The following SLC22A16 variants were observed in gnomAD, a reference collection of about 807,000 sequenced individuals.
The protein encoded by SLC22A16 is solute carrier family 22 member 16.
In SLC22A16, 53 loss-of-function variants were observed where a neutral mutation model predicts 52.9. That is an observed-to-expected ratio of 1.00 (90% CI 0.80 to 1.26). The LOEUF is 1.26. Ranked by LOEUF, SLC22A16 falls within the 50% of genes most tolerant of loss-of-function variation. SLC22A16 has a pLI of 0.00. For synonymous variants in SLC22A16, 291 were observed against 268.8 expected (o/e 1.08, Z -0.81); for missense variants, 726 against 704.0 (o/e 1.03, Z -0.35).
chr6:110,447,128 T>G (rs926923497), intron 2 of SLC22A16, 138 bp from the exon 3 acceptor site: 2 of 701,650 alleles, frequency 2.9e-6, no homozygotes, highest in Admixed American at 3.1e-5. Context: ...TTTTATTTAT[T>G]TTGAGCAAAC....
chr6:110,449,480 T>C (rs1441640417), intron 2 of SLC22A16, among the ~76,000 whole-genome samples: 1 of 152,152 alleles, frequency 6.6e-6, no homozygotes, highest in African/African-American at 2.4e-5. Context: ...TTGTAATTGG[T>C]ATTAACTTTG....
intron 1 of SLC22A16, among the ~76,000 whole-genome samples, chr6:110,468,185 G>T (rs1300061454): frequency 1.3e-5 from 2 of 152,208 alleles, no homozygotes; most frequent in East Asian, 3.8e-4. Flanking sequence ...AGTAAGTAGT[G>T]TTCTTCTAGC....
In SLC22A16 at chr6:110,446,854, A is replaced by G. The variant is rs774210517; in HGVS notation, c.651+19T>C. On this transcript the variant is annotated intron_variant, in intron 3 of 7. Transcript: ENST00000368919. ...TGAAAAACTGCAGCAGAATTAAAGA[A>G]GTAAAAAACACAACTCACCATGGCA... 1.9e-6 allele frequency: 3 copies of G among 1,588,952 alleles called. No individual in the cohort carries two copies. Among genetic ancestry groups the G allele is most frequent in the South Asian group, 2.3e-5 (2 of 87,322 alleles).
chr6:110,462,560 T>TA (rs1775922342), intron 1 of SLC22A16, among the ~76,000 whole-genome samples: 1 of 152,170 alleles, frequency 6.6e-6, no homozygotes, highest in Admixed American at 6.5e-5. Flanking sequence ...CTTTCTATTT[T>TA]AACAAGTCAA....
At chr6:110,443,337 A>G (rs1775048890) in intron 3 of SLC22A16, among the ~76,000 whole-genome samples, 1 of 152,234 alleles carries the variant, frequency 6.6e-6, no homozygotes, top group African/African-American at 2.4e-5. Flanking sequence ...AATATCTGAT[A>G]AGGGATTTTA....
chr6:110,428,124 T>C (rs1193272745), intron 7 of SLC22A16, among the ~76,000 whole-genome samples: 1 of 152,256 alleles, frequency 6.6e-6, no homozygotes, highest in East Asian at 1.9e-4. Context: ...TGATTTTTCA[T>C]GTGCCTCTTT....
chr6:110,447,345 C>T (rs962927292), intron 2 of SLC22A16, among the ~76,000 whole-genome samples: 9 of 152,194 alleles, frequency 5.9e-5, no homozygotes, highest in Non-Finnish European at 1.2e-4. Context: ...TGGCTCTGTC[C>T]ACTAAGGCTA....
chr6:110,427,586 G>A (rs1392530451), intron 7 of SLC22A16, among the ~76,000 whole-genome samples: 1 of 152,104 alleles, frequency 6.6e-6, no homozygotes, highest in Non-Finnish European at 1.5e-5. Flanking sequence ...AGACTAGTCA[G>A]GCAGTCGGGT....
At chr6:110,434,533 A>C (rs1442142301) in intron 6 of SLC22A16, among the ~76,000 whole-genome samples, 2 of 150,730 alleles carry the variant, frequency 1.3e-5, no homozygotes, top group African/African-American at 4.9e-5. Context: ...AGAGTTTCCA[A>C]GTAAAATGTG....
chr6:110,431,708 G>A (rs771527280), intron 6 of SLC22A16, among the ~76,000 whole-genome samples: 4 of 152,036 alleles, frequency 2.6e-5, no homozygotes, highest in East Asian at 1.9e-4. Context: ...ACACATGACC[G>A]TAAAAAAACG....
intron 1 of SLC22A16, among the ~76,000 whole-genome samples, chr6:110,468,079 T>A (rs1776132962): frequency 6.6e-6 from 1 of 152,274 alleles, no homozygotes; most frequent in Non-Finnish European, 1.5e-5. Context: ...GCTGGTCATG[T>A]TGGCCACAGT....
intron 3 of SLC22A16, among the ~76,000 whole-genome samples, chr6:110,446,618 G>A (rs1775182636): frequency 6.6e-6 from 1 of 152,130 alleles, no homozygotes; most frequent in African/African-American, 2.4e-5. Context: ...TAATGCCTCA[G>A]TAATTGTGAC....
intron 1 of SLC22A16, among the ~76,000 whole-genome samples, chr6:110,465,153 A>G (rs187124814): frequency 6.6e-6 from 1 of 152,222 alleles, no homozygotes; most frequent in East Asian, 1.9e-4. Flanking sequence ...ACCTCAAAAT[A>G]ATAAGAGCCA....
At chr6:110,460,180 T>C (rs1562296762) in intron 1 of SLC22A16, among the ~76,000 whole-genome samples, 1 of 152,176 alleles carries the variant, frequency 6.6e-6, no homozygotes, top group Non-Finnish European at 1.5e-5. Context: ...TGCATCCTGA[T>C]GCTCCCTCTC....
At position 110,446,863 on chromosome 6, in the gene SLC22A16, C is replaced by T; in HGVS notation, c.651+10G>A. The T allele has an allele frequency of 6.2e-7, 1 of 1,600,846 alleles. No homozygotes were observed. Among genetic ancestry groups the T allele is most frequent in the Non-Finnish European group, 8.5e-7 (1 of 1,175,104 alleles). On this transcript the variant is annotated intron_variant, in intron 3 of 7. Transcript: ENST00000368919. ...GCAGCAGAATTAAAGAAGTAAAAAA[C>T]ACAACTCACCATGGCAAGAAAAAAG...
At chr6:110,475,888 T>C in intron 1 of SLC22A16, 3 of 456,546 alleles carry the variant, frequency 6.6e-6, no homozygotes, top group South Asian at 4.6e-5. Context: ...TGGCTATGAG[T>C]CCTTGACCCC....
chr6:110,436,124 T>C (rs1411833570), intron 5 of SLC22A16, among the ~76,000 whole-genome samples, 163 bp from the exon 6 acceptor site: 2 of 152,236 alleles, frequency 1.3e-5, no homozygotes, highest in African/African-American at 2.4e-5. Flanking sequence ...CTACTCACAG[T>C]CTGAGAAAGC....
chr6:110,451,093 A>G (rs1775362498), intron 2 of SLC22A16, among the ~76,000 whole-genome samples: 1 of 152,228 alleles, frequency 6.6e-6, no homozygotes, highest in Non-Finnish European at 1.5e-5. Context: ...TGCTTCCTTT[A>G]TCAAACATTA....
intron 1 of SLC22A16, among the ~76,000 whole-genome samples, chr6:110,464,932 T>G (rs1313928703): frequency 6.6e-6 from 1 of 151,976 alleles, no homozygotes; most frequent in African/African-American, 2.4e-5. Flanking sequence ...ATCAAAAAGA[T>G]AATCCATCAC....
Sources: gnomAD v4.1 joint callset for allele counts (sites outside exome capture counted in the v4.1 genomes callset) on GRCh38, gnomAD v4.1.1 for gene constraint, MANE v1.5 for transcripts, NCBI Gene and HGNC (gene_info 2026-07-23, HGNC 2026-07-21) for gene names.